PCDHGB2: variants seen among roughly 807,000 people sequenced by gnomAD.
PCDHGB2 encodes protocadherin gamma-B2.
PCDHGB2 carries 55 observed loss-of-function variants against 59.3 expected under a neutral mutation model. The ratio of observed to expected loss-of-function variants is 0.93; its 90% CI spans 0.75 to 1.16. PCDHGB2 has a LOEUF of 1.16. Among genes scored for constraint, PCDHGB2 ranks in the 50% most tolerant of loss-of-function variants. The pLI, the probability that PCDHGB2 is intolerant of heterozygous loss-of-function variation, is 0.00. For missense variants in PCDHGB2, 1,228 were observed against 1,198.5 expected (o/e 1.02, Z -0.36); for synonymous variants, 516 against 512.0 (o/e 1.01, Z -0.11).
intron 1 of PCDHGB2, chr5:141,403,291 A>T: frequency 6.2e-7 from 1 of 1,613,918 alleles, no homozygotes; most frequent in Non-Finnish European, 8.5e-7. Flanking sequence ...TTGAAGACAG[A>T]GTGAAACTGT....
At chr5:141,510,845 C>T (rs2099883036) in intron 3 of PCDHGB2, 102 bp from the exon 4 acceptor site, 3 of 1,593,960 alleles carry the variant, frequency 1.9e-6, no homozygotes, top group Non-Finnish European at 2.6e-6. Context: ...TGGTCAAGGC[C>T]CAGGGTGCTG....
intron 1 of PCDHGB2, chr5:141,365,075 G>A (rs754573655): frequency 6.2e-7 from 1 of 1,613,842 alleles, no homozygotes. Context: ...CGAGTACAGC[G>A]TGAGTGTTCC....
At chr5:141,392,802 A>C in intron 1 of PCDHGB2, 2 of 1,572,582 alleles carry the variant, frequency 1.3e-6, no homozygotes, top group Non-Finnish European at 1.7e-6. Flanking sequence ...AGGATTCTGC[A>C]GCAAAACAAC....
At chr5:141,381,635 G>A (rs528841837) in intron 1 of PCDHGB2, among the ~76,000 whole-genome samples, 1 of 152,276 alleles carries the variant, frequency 6.6e-6, no homozygotes, top group Non-Finnish European at 1.5e-5. Context: ...GCAGATTTCT[G>A]CCTTCTGTAG....
At chr5:141,413,979 C>T in intron 1 of PCDHGB2, 1 of 1,613,394 alleles carries the variant, frequency 6.2e-7, no homozygotes, top group Non-Finnish European at 8.5e-7. Flanking sequence ...TGCTGACAGT[C>T]ACAGCCACCG....
chr5:141,424,116 T>G, intron 1 of PCDHGB2: 1 of 667,648 alleles, frequency 1.5e-6, no homozygotes, highest in Non-Finnish European at 1.9e-6. Context: ...GTTCAAATTT[T>G]GATCCTGTTG....
intron 1 of PCDHGB2, among the ~76,000 whole-genome samples, chr5:141,462,331 T>C (rs909948238): frequency 6.6e-6 from 1 of 152,244 alleles, no homozygotes; most frequent in African/African-American, 2.4e-5. Context: ...TCTAATTTAA[T>C]TGTATTGTGA....
intron 1 of PCDHGB2, chr5:141,385,131 C>T (rs371376308): frequency 4.3e-6 from 7 of 1,614,082 alleles, no homozygotes; most frequent in Admixed American, 1.7e-5. Flanking sequence ...TGGGCATGGA[C>T]GGGGTGCAGG....
intron 1 of PCDHGB2, chr5:141,393,987 T>C (rs1361027983): frequency 1.2e-6 from 2 of 1,613,490 alleles, no homozygotes; most frequent in Admixed American, 3.3e-5. Flanking sequence ...TAATTTACCT[T>C]TTAAATTAGA....
In PCDHGB2 at chr5:141,494,886, C is replaced by T. The variant is rs1212594477; in HGVS notation, c.2480+21C>T. ...AGCGGGTAGGTGACTGATTCTCCAG[C>T]CCACCCTCTTCTCTGCGGCATTTTC... On this transcript the variant is annotated intron_variant, in intron 2 of 3. Coordinates refer to ENST00000522605, the MANE Select transcript of PCDHGB2 (RefSeq NM_018923.3). 8 of 1,614,010 alleles carry T rather than the reference C, an allele frequency of 5.0e-6. No homozygotes were observed. The Admixed American group carries it at 8.3e-5, about 17-fold the overall frequency.
At chr5:141,371,305 T>A in intron 1 of PCDHGB2, 1 of 1,613,940 alleles carries the variant, frequency 6.2e-7, no homozygotes, top group Non-Finnish European at 8.5e-7. Context: ...CTCACCACTA[T>A]TGGAGAACTG....
intron 1 of PCDHGB2, chr5:141,419,396 G>A (rs772000806): frequency 3.7e-6 from 6 of 1,613,600 alleles, no homozygotes; most frequent in Admixed American, 1.7e-5. Flanking sequence ...GCAGAGCGGG[G>A]TGGTGTTCGC....
intron 1 of PCDHGB2, chr5:141,364,623 A>C: frequency 1.2e-6 from 2 of 1,614,178 alleles, no homozygotes; most frequent in Non-Finnish European, 1.7e-6. Flanking sequence ...CTCTGCGCTC[A>C]GAGCCCACTG....
chr5:141,499,486 C>T (rs569172977), intron 2 of PCDHGB2, among the ~76,000 whole-genome samples: 3 of 152,284 alleles, frequency 2.0e-5, no homozygotes, highest in East Asian at 1.9e-4. Context: ...CCACCAACTA[C>T]AGTTTAATAT....
intron 1 of PCDHGB2, chr5:141,395,547 TGTGTGTGTGTGTGTGTGTGTGTGTGTG>T: frequency 5.8e-6 from 1 of 173,894 alleles, no homozygotes; most frequent in Non-Finnish European, 1.2e-5. Flanking sequence ...ATTGTTTGTG[TGTGTGTGTGTGTGTGTGTGTGTGTGTG>T]TGTGTGTGTG....
Position 141,409,702 on chromosome 5 carries a change from G to A in PCDHGB2, c.2421+47146G>A, listed in dbSNP as rs545411022. The A allele has an allele frequency of 2.0e-5, 32 of 1,613,226 alleles. No homozygotes were observed. In the South Asian group the frequency reaches 3.0e-4, roughly 15 times the overall value. On this transcript the variant is annotated intron_variant, in intron 1 of 3. Transcript: ENST00000522605. ...TGGCGAGTGACCTAGAGCCCCTGGC[G>A]GTGTCGTCATACGTGTCAGTGAGCG...
rs2095830931 is a variant in PCDHGB2 at position 141,415,116 on chromosome 5, A to G, written c.2421+52560A>G. 3 of 1,613,652 alleles carry G rather than the reference A, an allele frequency of 1.9e-6. No individual in the cohort carries two copies. The East Asian group carries it at 6.7e-5, about 36-fold the overall frequency. On this transcript the variant is annotated intron_variant, in intron 1 of 3. Transcript: ENST00000522605. The stretch of plus-strand genomic sequence containing the variant: ...GAGACGCGCTCAAGCAAAGCCTCGT[A>G]GTGGCCGTCCAGGACCACGGCCAGC...
At position 141,360,621 on chromosome 5, in the gene PCDHGB2, TG is replaced by T. The variant is rs1307338533; in HGVS notation, c.488del (p.Gly163ValfsTer32). 1 of 1,613,908 alleles carries T rather than the reference TG, an allele frequency of 6.2e-7. No individual in the cohort carries two copies. The highest frequency in any genetic ancestry group is 8.5e-7 in the Non-Finnish European group (1 of 1,179,898). ...PLDPALDSDV[G>X]PNSLQRYHLN... ...TTGACCCAGCCCTGGATTCAGATGT[TG>T]GTCCTAACTCACTACAAAGATACCA... is the stretch of plus-strand genomic sequence containing the variant. On this transcript the variant is annotated frameshift_variant, in exon 1 of 4. Transcript: ENST00000522605. LOFTEE classifies it high-confidence loss of function.
At chr5:141,427,635 C>T in intron 1 of PCDHGB2, 1 of 706,280 alleles carries the variant, frequency 1.4e-6, no homozygotes, top group African/African-American at 1.7e-5. Context: ...TCCGGTTTTC[C>T]ACCAAGTCTC....
Sources: allele counts gnomAD v4.1 joint callset (sites outside exome capture counted in the v4.1 genomes callset), GRCh38; gene constraint gnomAD v4.1.1; transcripts MANE v1.5; gene names NCBI Gene and HGNC (gene_info 2026-07-23, HGNC 2026-07-21).